Variants in POLDIP3 observed in about 807,000 individuals in gnomAD.
POLDIP3 encodes DNA polymerase delta interacting protein 3, also known as polymerase delta-interacting protein 3.
POLDIP3 carries 14 observed loss-of-function variants against 45.1 expected under a neutral mutation model. The ratio of observed to expected loss-of-function variants is 0.31; its 90% CI spans 0.20 to 0.49. POLDIP3 has a LOEUF of 0.49. Ranked by LOEUF, POLDIP3 falls within the 20% of genes least tolerant of loss-of-function variation. The probability of loss-of-function intolerance (pLI) is 0.99; values close to 1 mark genes in which losing one functional copy is unlikely to be tolerated. For synonymous variants in POLDIP3, 223 were observed against 205.2 expected, an observed-to-expected ratio of 1.09 and a Z score of -0.74; for missense variants, 511 against 538.8, an observed-to-expected ratio of 0.95 and a Z score of 0.51.
At chr22:42,614,698 C>CGCA in intron 1 of POLDIP3, 101 bp downstream of exon 1, 1 of 1,322,760 alleles carries the variant, frequency 7.6e-7, no homozygotes, top group Admixed American at 1.8e-5. Flanking sequence ...CGGGGGCGGG[C>CGCA]GCACCCGGTC....
intron 7 of POLDIP3, among the ~76,000 whole-genome samples, chr22:42,590,256 A>T (rs934596952): frequency 5.9e-5 from 9 of 152,216 alleles, no homozygotes; most frequent in Non-Finnish European, 8.8e-5. Context: ...TGGCACGATC[A>T]CAGCTCACTA....
At chr22:42,596,515 G>A (rs977700203) in intron 4 of POLDIP3, 150 bp from the exon 5 acceptor site, 28 of 764,520 alleles carry the variant, frequency 3.7e-5, no homozygotes, top group African/African-American at 1.9e-4. Context: ...AAAGGCTGCC[G>A]GCTGCCAGTG....
intron 1 of POLDIP3, among the ~76,000 whole-genome samples, chr22:42,608,069 G>T (rs1381921585): frequency 6.6e-6 from 1 of 152,250 alleles, no homozygotes; most frequent in Admixed American, 6.5e-5. Flanking sequence ...GTACCCAACA[G>T]CTCATTGAGA....
At chr22:42,595,177 G>A (rs1925908312) in intron 6 of POLDIP3, among the ~76,000 whole-genome samples, 2 of 152,224 alleles carry the variant, frequency 1.3e-5, no homozygotes, top group Non-Finnish European at 2.9e-5. Context: ...TGGAATTTTA[G>A]TACATGCTAC....
At chr22:42,604,690 AG>A (rs1473473307) in intron 1 of POLDIP3, among the ~76,000 whole-genome samples, 1 of 152,196 alleles carries the variant, frequency 6.6e-6, no homozygotes, top group East Asian at 1.9e-4. Context: ...GAATACCAGA[AG>A]TGCAGCCAAA....
At position 42,596,313 on chromosome 22, in the gene POLDIP3, T is replaced by G. The variant is rs545368564; in HGVS notation, c.686A>C (p.Lys229Thr). The change falls in exon 5 of 9, where the codon AAA (lysine) becomes ACA (threonine). Residue 229 changes from lysine (K) to threonine (T), a missense_variant. Transcript: ENST00000252115. ...LSMSKALPLT[K>T]VVQNDAYTAP... ...TGTGTATGCATCATTCTGAACCACT[T>G]TGGTGAGAGGGAGGGCCTTGGACAT... 6.2e-7 allele frequency: 1 copy of G among 1,614,060 alleles called. No individual in the cohort carries two copies. The highest frequency in any genetic ancestry group is 1.3e-5 in the African/African-American group (1 of 74,990).
At chr22:42,610,027 A>G (rs186190883) in intron 1 of POLDIP3, among the ~76,000 whole-genome samples, 4 of 152,220 alleles carry the variant, frequency 2.6e-5, no homozygotes, top group African/African-American at 9.6e-5. Flanking sequence ...ACAAAAAATT[A>G]GCCGGGCGTA....
intron 1 of POLDIP3, among the ~76,000 whole-genome samples, chr22:42,606,400 G>A (rs1303493993): frequency 1.3e-5 from 2 of 151,916 alleles, no homozygotes; most frequent in Non-Finnish European, 2.9e-5. Flanking sequence ...GAAAGCTGAG[G>A]CAGGAGGATG....
chr22:42,591,108 TAAAAAA>T (rs975658452), intron 7 of POLDIP3, among the ~76,000 whole-genome samples: 1 of 147,472 alleles, frequency 6.8e-6, no homozygotes, highest in African/African-American at 2.5e-5. Flanking sequence ...AAAATAAAAA[TAAAAAA>T]AAGAAAGAAA....
In POLDIP3 at chr22:42,591,836, G is replaced by C. The variant is rs1045759332; in HGVS notation, c.1021+119C>G. 3.7e-6 allele frequency: 5 copies of C among 1,353,120 alleles called. No individual in the cohort carries two copies. In the Admixed American group the frequency reaches 5.7e-5, roughly 16 times the overall value. 83.8% of individuals were successfully genotyped at this position (1,353,120 alleles called of 1,614,324 possible). A position where few individuals can be genotyped will look rare whatever the true frequency, so the allele number is the denominator to read the frequency against. On this transcript the variant is annotated intron_variant, in intron 7 of 8. Transcript: ENST00000252115. ...AGACTGCACGGCAGTTCCTGGTGCA[G>C]ACGAGGCCCCAGAGATGGGTTCCAC...
chr22:42,592,180 A>G, intron 6 of POLDIP3, 96 bp from the exon 7 acceptor site: 1 of 1,551,446 alleles, frequency 6.4e-7, no homozygotes, highest in South Asian at 1.2e-5. Flanking sequence ...GTTCCGCTGC[A>G]GCTAAATGCG....
At chr22:42,599,612 C>G (rs1011861426) in intron 4 of POLDIP3, 86 bp downstream of exon 4, 4 of 1,059,936 alleles carry the variant, frequency 3.8e-6, no homozygotes, top group Non-Finnish European at 5.7e-6. Flanking sequence ...CGTCTCAAAA[C>G]AAAAAAAACA....
chr22:42,586,993 A>C (rs1166502889), intron 8 of POLDIP3, among the ~76,000 whole-genome samples: 1 of 152,194 alleles, frequency 6.6e-6, no homozygotes. Flanking sequence ...CTATAGTCCC[A>C]GGTCCTCAGG....
At chr22:42,597,165 G>A (rs936075515) in intron 4 of POLDIP3, among the ~76,000 whole-genome samples, 2 of 152,190 alleles carry the variant, frequency 1.3e-5, no homozygotes, top group Admixed American at 6.5e-5. Context: ...CCCTCCATCT[G>A]GATGTGGTCC....
rs905509117 is a variant in POLDIP3, at chr22:42,584,224, C to T, written c.*1567G>A. 5.2e-5 allele frequency: 8 copies of T among 152,936 alleles called. No homozygotes were observed. The highest frequency in any genetic ancestry group is 1.0e-4 in the Non-Finnish European group (7 of 68,310). 9.5% of individuals were successfully genotyped at this position (152,936 alleles called of 1,614,324 possible). A position where few individuals can be genotyped will look rare whatever the true frequency, so the allele number is the denominator to read the frequency against. On this transcript the variant is annotated 3_prime_UTR_variant, in exon 9 of 9. Coordinates refer to ENST00000252115, the MANE Select transcript of POLDIP3 (RefSeq NM_032311.5). ...CAGCTGCTAACGAGAAGTCTGCACC[C>T]ACTTGAAAGGGTTAGGAGAATAAAA... is the stretch of plus-strand genomic sequence containing the variant.
Position 42,602,988 on chromosome 22 carries a change from G to C in POLDIP3, c.232C>G (p.Leu78Val). The C allele has an allele frequency of 6.2e-7, 1 of 1,613,988 alleles. No individual in the cohort carries two copies. The highest frequency in any genetic ancestry group is 8.5e-7 in the Non-Finnish European group (1 of 1,180,010). Residue 78 changes from leucine to valine, a missense_variant, in exon 2 of 9, where the codon CTT becomes GTT. Coordinates refer to ENST00000252115, the MANE Select transcript of POLDIP3 (RefSeq NM_032311.5). ...KLGVKDAREKLLQKDARFRIK... is the reference protein window; with the variant it reads ...KLGVKDAREKVLQKDARFRIK... ...CGAAATCGGGCATCTTTCTGCAAAA[G>C]CTTCTCCCGGGCATCCTTGACTCCC...
chr22:42,592,161 G>A, intron 6 of POLDIP3, 77 bp from the exon 7 acceptor site: 1 of 1,583,738 alleles, frequency 6.3e-7, no homozygotes, highest in South Asian at 1.1e-5. Flanking sequence ...AAGGCCCTGG[G>A]GTGTGGTGGT....
At chr22:42,596,492 G>A in intron 4 of POLDIP3, 127 bp from the exon 5 acceptor site, 1 of 969,810 alleles carries the variant, frequency 1.0e-6, no homozygotes, top group Non-Finnish European at 1.5e-6. Flanking sequence ...TTCTATTAGA[G>A]GTCTGGAGCC....
rs1361406152 is a variant in POLDIP3, at chr22:42,593,736, C to G, written c.892-1652G>C. Among the ~76,000 whole-genome samples the G allele has an allele frequency of 2.6e-5, 4 of 152,166 alleles. No homozygotes were observed. The East Asian group carries it at 7.7e-4, about 29-fold the overall frequency. On this transcript the variant is annotated intron_variant, in intron 6 of 8. Coordinates refer to ENST00000252115, the MANE Select transcript of POLDIP3 (RefSeq NM_032311.5). ...GTTTTGCCATGTTGGCCAGGCTGGT[C>G]TCGAACTCCTGACCTCAGGTGATCC...
Sources: gnomAD v4.1 joint callset for allele counts (sites outside exome capture counted in the v4.1 genomes callset) on GRCh38, gnomAD v4.1.1 for gene constraint, MANE v1.5 for transcripts, NCBI Gene and HGNC (gene_info 2026-07-23, HGNC 2026-07-21) for gene names.